ASH1L: variants seen among roughly 807,000 people sequenced by gnomAD.
ASH1L encodes the protein ASH1 like histone lysine methyltransferase.
ASH1L carries 23 observed loss-of-function variants against 269.0 expected under a neutral mutation model. The observed-to-expected ratio is 0.09, with a 90% CI of 0.06 to 0.12. The LOEUF (loss-of-function observed/expected upper bound fraction) is 0.12. Among genes scored for constraint, ASH1L ranks in the 10% least tolerant of loss-of-function variants. The pLI is 1.00. For synonymous variants in ASH1L, 1,187 were observed against 1,253.5 expected (o/e 0.95, Z 1.12); for missense variants, 2,912 against 3,567.8 (o/e 0.82, Z 4.68).
At chr1:155,485,846 C>T (rs1666298132) in intron 2 of ASH1L, among the ~76,000 whole-genome samples, 1 of 151,484 alleles carries the variant, frequency 6.6e-6, no homozygotes, top group Non-Finnish European at 1.5e-5. Context: ...AAATATTAGA[C>T]AAGAAATATA....
In ASH1L at chr1:155,521,392, G is replaced by C. The variant is rs749009326; in HGVS notation, c.128C>G (p.Thr43Arg). Residue 43 changes from threonine to arginine, a missense_variant, in exon 2 of 28, where the codon ACA (threonine) becomes AGA (arginine). By Grantham distance (71) the Thr-to-Arg change is moderately conservative. Transcript: ENST00000392403. ...SKREVELEKN[T>R]KEEEDLRKRN... is the part of the protein sequence containing the mutation. Reference sequence around the variant, plus strand: ...TTTGCGAAGGTCCTCTTCCTCCTTTGTGTTTTTTTCTAGCTCTACTTCTCT... The same window carrying C: ...TTTGCGAAGGTCCTCTTCCTCCTTTCTGTTTTTTTCTAGCTCTACTTCTCT... The C allele has an allele frequency of 6.2e-7, 1 of 1,613,894 alleles. No homozygotes were observed. The highest frequency in any genetic ancestry group is 1.7e-5 in the Admixed American group (1 of 59,982).
intron 2 of ASH1L, among the ~76,000 whole-genome samples, chr1:155,504,596 G>C (rs1667702253): frequency 6.6e-6 from 1 of 152,170 alleles, no homozygotes; most frequent in Non-Finnish European, 1.5e-5. Flanking sequence ...GCTCAGGCCT[G>C]TAATCCCAGC....
chr1:155,562,903 C>A, upstream of ASH1L: 2 of 454,652 alleles, frequency 4.4e-6, no homozygotes, highest in Non-Finnish European at 8.8e-6. Context: ...CGCCAGCCCC[C>A]CCTACCACCC....
chr1:155,397,329 T>C (rs1658444995), intron 6 of ASH1L, among the ~76,000 whole-genome samples: 1 of 151,676 alleles, frequency 6.6e-6, no homozygotes, highest in African/African-American at 2.4e-5. Flanking sequence ...AAACCCTGTC[T>C]CTACTAAAAA....
chr1:155,545,153 G>A (rs1251060519), intron 1 of ASH1L, among the ~76,000 whole-genome samples: 1 of 58,250 alleles, frequency 1.7e-5, no homozygotes, highest in Non-Finnish European at 3.0e-5. Flanking sequence ...GCCTGGGCAA[G>A]AAGAGCAAAA....
chr1:155,337,571 T>A lies in ASH1L; in HGVS notation c.*89A>T. 1 of 1,128,584 alleles carries A rather than the reference T, an allele frequency of 8.9e-7. No individual in the cohort carries two copies. Among genetic ancestry groups the A allele is most frequent in the East Asian group, 2.4e-5 (1 of 42,360 alleles). 69.9% of individuals were successfully genotyped at this position (1,128,584 alleles called of 1,614,324 possible). ...CATTCCCCTTGCCCAGATGGACCCT[T>A]CCCACCCCTGTCTATACCCAGAGAG... On this transcript the variant is annotated 3_prime_UTR_variant, in exon 28 of 28. Coordinates refer to ENST00000392403, the MANE Select transcript of ASH1L (RefSeq NM_018489.3).
intron 21 of ASH1L, chr1:155,346,082 C>T (rs1653285424): frequency 1.8e-6 from 2 of 1,087,712 alleles, no homozygotes; most frequent in Non-Finnish European, 2.5e-6. Flanking sequence ...AATCCATCCG[C>T]CTTAGCCTCC....
intron 15 of ASH1L, among the ~76,000 whole-genome samples, chr1:155,356,636 C>T (rs1272597681): frequency 6.7e-6 from 1 of 149,074 alleles, no homozygotes; most frequent in South Asian, 2.1e-4. Context: ...CAGCGAGACT[C>T]CGTCTCAAAA....
At position 155,482,432 on chromosome 1, in the gene ASH1L, G is replaced by A; in HGVS notation, c.438C>T (p.Tyr146=). The A allele has an allele frequency of 1.2e-6, 2 of 1,612,158 alleles. No individual in the cohort carries two copies. The highest frequency in any genetic ancestry group is 1.7e-6 in the Non-Finnish European group (2 of 1,179,098). Residue 146 remains tyrosine, a synonymous_variant, in exon 3 of 28, where the codon TAC becomes TAT. Coordinates refer to ENST00000392403, the MANE Select transcript of ASH1L (RefSeq NM_018489.3). ...TGGCTGCAACATCATCTGCTTTCTT[G>A]TACAACTTTGAAGGGTCCTAAAATT... The part of the protein sequence containing the change: ...CPSKRDPSKL[Y]KKADDVAAIE...
intron 7 of ASH1L, among the ~76,000 whole-genome samples, chr1:155,393,916 G>T (rs1018599332): frequency 3.3e-5 from 5 of 152,078 alleles, no homozygotes; most frequent in Admixed American, 2.0e-4. Flanking sequence ...CAGGTGCTGG[G>T]AAATCCAGGG....
intron 7 of ASH1L, among the ~76,000 whole-genome samples, chr1:155,390,435 C>T (rs75715150): frequency 6.6e-6 from 1 of 152,192 alleles, no homozygotes; most frequent in Non-Finnish European, 1.5e-5. Flanking sequence ...TACCAGTCTT[C>T]CAGAAAACAG....
chr1:155,338,498 C>T (rs1570933307), intron 26 of ASH1L, 108 bp from the exon 27 acceptor site: 2 of 965,412 alleles, frequency 2.1e-6, no homozygotes, highest in East Asian at 2.5e-5. Context: ...GCAGTTAGAG[C>T]CTTAGCTTGA....
At chr1:155,502,313 G>C (rs1040175013) in intron 2 of ASH1L, among the ~76,000 whole-genome samples, 2 of 151,808 alleles carry the variant, frequency 1.3e-5, no homozygotes, top group African/African-American at 4.8e-5. Flanking sequence ...CTTGTGATTC[G>C]CCCGCCTTGG....
chr1:155,360,295 T>G lies in ASH1L; in HGVS notation c.6795+6A>C, dbSNP rs757703517. ...TCAATCTCCCTCTAGGATTTATTAT[T>G]CTTACCTGTTTTTCCACATTGAAGG... is the stretch of plus-strand genomic sequence containing the variant. On this transcript the variant is annotated splice_donor_region_variant and intron_variant, in intron 13 of 27. Coordinates refer to ENST00000392403, the MANE Select transcript of ASH1L (RefSeq NM_018489.3). The G allele has an allele frequency of 1.9e-6, 3 of 1,569,574 alleles. No individual in the cohort carries two copies. The East Asian group carries it at 6.7e-5, about 35-fold the overall frequency.
At chr1:155,553,728 T>C (rs1385520161) in intron 1 of ASH1L, among the ~76,000 whole-genome samples, 1 of 152,200 alleles carries the variant, frequency 6.6e-6, no homozygotes, top group South Asian at 2.1e-4. Context: ...TATCGTAGTA[T>C]GTTTGTTAAC....
At chr1:155,367,936 G>C (rs1417546734) in intron 12 of ASH1L, among the ~76,000 whole-genome samples, 1 of 152,044 alleles carries the variant, frequency 6.6e-6, no homozygotes, top group Non-Finnish European at 1.5e-5. Context: ...TTAGATTTTA[G>C]AAGAAGGTAA....
intron 5 of ASH1L, chr1:155,433,797 A>G: frequency 3.1e-6 from 5 of 1,606,728 alleles, no homozygotes; most frequent in Non-Finnish European, 4.2e-6. Context: ...TTGCTGCAGA[A>G]GTGGGTGGAG....
At chr1:155,359,084 C>A (rs1164302518) in intron 13 of ASH1L, among the ~76,000 whole-genome samples, 1 of 152,180 alleles carries the variant, frequency 6.6e-6, no homozygotes, top group Non-Finnish European at 1.5e-5. Context: ...CACATCACTG[C>A]ATTCTAGTGT....
At chr1:155,438,220 G>C in intron 5 of ASH1L, 107 bp downstream of exon 5, 1 of 1,210,254 alleles carries the variant, frequency 8.3e-7, no homozygotes, top group Non-Finnish European at 1.1e-6. Flanking sequence ...GTCTCATATA[G>C]TAAAAAATGA....
Sources: gnomAD v4.1 joint callset for allele counts (sites outside exome capture counted in the v4.1 genomes callset) on GRCh38, gnomAD v4.1.1 for gene constraint, MANE v1.5 for transcripts, NCBI Gene and HGNC (gene_info 2026-07-23, HGNC 2026-07-21) for gene names.